Variants in KCNIP4 observed in about 807,000 individuals in gnomAD.
The protein encoded by KCNIP4 is Kv channel-interacting protein 4.
KCNIP4 carries 12 observed loss-of-function variants against 34.0 expected under a neutral mutation model. The observed-to-expected ratio is 0.35, with a 90% CI of 0.23 to 0.57. KCNIP4 has a LOEUF of 0.57. Among genes scored for constraint, KCNIP4 ranks in the 20% least tolerant of loss-of-function variants. The pLI is 0.83. For synonymous variants in KCNIP4, 124 were observed against 102.2 expected (o/e 1.21, Z -1.29); for missense variants, 238 against 311.7 (o/e 0.76, Z 1.78).
At chr4:21,066,629 C>T (rs926533833) in intron 1 of KCNIP4, among the ~76,000 whole-genome samples, 3 of 152,104 alleles carry the variant, frequency 2.0e-5, no homozygotes, top group Non-Finnish European at 4.4e-5. Flanking sequence ...GAACTCAGTG[C>T]TGTCCTGTCA....
At chr4:20,981,083 G>T (rs1438474778) in intron 1 of KCNIP4, among the ~76,000 whole-genome samples, 13 of 152,132 alleles carry the variant, frequency 8.5e-5, no homozygotes, top group Admixed American at 8.5e-4. Context: ...TAAACAGGCA[G>T]CAGGCCTAGG....
At chr4:21,120,114 C>A (rs1320934619) in intron 1 of KCNIP4, among the ~76,000 whole-genome samples, 1 of 152,100 alleles carries the variant, frequency 6.6e-6, no homozygotes, top group East Asian at 1.9e-4. Flanking sequence ...GTACTTGGCC[C>A]ATGTTTCTAG....
intron 1 of KCNIP4, among the ~76,000 whole-genome samples, chr4:21,028,772 C>T (rs968908891): frequency 6.6e-6 from 1 of 152,160 alleles, no homozygotes; most frequent in Non-Finnish European, 1.5e-5. Context: ...GCAAAAAGTG[C>T]AGGCATAGAA....
At chr4:21,089,351 C>T (rs1013578747) in intron 1 of KCNIP4, among the ~76,000 whole-genome samples, 1 of 152,210 alleles carries the variant, frequency 6.6e-6, no homozygotes, top group Non-Finnish European at 1.5e-5. Context: ...GCACCTTCCA[C>T]CACGATTGTA....
intron 1 of KCNIP4, among the ~76,000 whole-genome samples, chr4:21,343,763 C>T (rs887722293): frequency 2.0e-5 from 3 of 152,072 alleles, no homozygotes; most frequent in African/African-American, 7.2e-5. Flanking sequence ...TAGATTCCGA[C>T]GCAGGCTCTT....
chr4:21,907,147 G>A (rs950226584), intron 1 of KCNIP4, among the ~76,000 whole-genome samples: 8 of 152,120 alleles, frequency 5.3e-5, no homozygotes, highest in Non-Finnish European at 1.2e-4. Flanking sequence ...TTGGCTGGTG[G>A]GTTGTTGAGA....
intron 1 of KCNIP4, among the ~76,000 whole-genome samples, chr4:21,775,143 T>C (rs535695253): frequency 1.8e-4 from 28 of 152,272 alleles, no homozygotes; most frequent in African/African-American, 6.7e-4. Context: ...TGGAGGCCTT[T>C]TTTTGGTTGG....
intron 1 of KCNIP4, among the ~76,000 whole-genome samples, chr4:21,868,638 G>T (rs1464943609): frequency 6.6e-6 from 1 of 152,000 alleles, no homozygotes; most frequent in Non-Finnish European, 1.5e-5. Flanking sequence ...TATTGTTACT[G>T]AATCTAATTC....
intron 1 of KCNIP4, among the ~76,000 whole-genome samples, chr4:20,925,328 A>G (rs771829120): frequency 1.4e-4 from 21 of 152,154 alleles, no homozygotes; most frequent in Non-Finnish European, 1.3e-4. Context: ...TGAAGTCACT[A>G]GATAAGACAG....
intron 1 of KCNIP4, among the ~76,000 whole-genome samples, chr4:21,871,767 T>G (rs1378472536): frequency 1.1e-5 from 1 of 88,516 alleles, no homozygotes. Context: ...GATCCCCACC[T>G]CCCCCCACCC....
intron 1 of KCNIP4, among the ~76,000 whole-genome samples, chr4:21,187,706 A>T (rs1236205695): frequency 6.7e-6 from 1 of 149,484 alleles, no homozygotes. Flanking sequence ...CAGAATCCTC[A>T]TTTTTTTTTT....
intron 1 of KCNIP4, among the ~76,000 whole-genome samples, chr4:20,977,695 T>G (rs1735624680): frequency 6.6e-6 from 1 of 152,246 alleles, no homozygotes; most frequent in African/African-American, 2.4e-5. Flanking sequence ...AGTGCCAATC[T>G]GATTACAAAA....
intron 1 of KCNIP4, among the ~76,000 whole-genome samples, chr4:21,210,164 T>C (rs1176583392): frequency 6.6e-6 from 1 of 152,220 alleles, no homozygotes; most frequent in African/African-American, 2.4e-5. Context: ...AGGAAAGTTA[T>C]CTTCACTCAA....
At chr4:21,138,836 T>C (rs527431816) in intron 1 of KCNIP4, among the ~76,000 whole-genome samples, 1 of 151,392 alleles carries the variant, frequency 6.6e-6, no homozygotes, top group East Asian at 2.0e-4. Flanking sequence ...TGGAAAGGAG[T>C]CATGAGGCAG....
At chr4:20,891,730 A>C (rs951253884) in intron 1 of KCNIP4, among the ~76,000 whole-genome samples, 10 of 152,204 alleles carry the variant, frequency 6.6e-5, no homozygotes, top group African/African-American at 2.4e-4. Context: ...AATAGGGAGT[A>C]CATTTTTTTA....
rs143108172 is a variant in KCNIP4, at chr4:21,597,589, T to A, written c.61+350982A>T. 1.1e-4 allele frequency among the ~76,000 whole-genome samples: 16 copies of A among 152,270 alleles called. No individual in the cohort carries two copies. In the East Asian group the frequency reaches 3.1e-3, roughly 30 times the overall value. On this transcript the variant is annotated intron_variant, in intron 1 of 8. Coordinates refer to ENST00000382152, the MANE Select transcript of KCNIP4 (RefSeq NM_025221.6). ...GCCATCAAAGCCACTTTCCTTCAGT[T>A]CATTGGCTTTCCCAAGGTATGAAAG...
chr4:21,293,644 T>G (rs1411502700), intron 1 of KCNIP4, among the ~76,000 whole-genome samples: 4 of 152,216 alleles, frequency 2.6e-5, no homozygotes, highest in Non-Finnish European at 5.9e-5. Flanking sequence ...GTGTTCCCAG[T>G]CATGAATTTT....
chr4:21,186,423 G>T (rs932717056), intron 1 of KCNIP4, among the ~76,000 whole-genome samples: 3 of 152,162 alleles, frequency 2.0e-5, no homozygotes, highest in Non-Finnish European at 4.4e-5. Context: ...GGGTAAGAAA[G>T]TCGAAGTAGG....
At position 21,519,635 on chromosome 4, in the gene KCNIP4, CAAAT is replaced by C. The variant is rs1270042161; in HGVS notation, c.61+428932_61+428935del. On this transcript the variant is annotated intron_variant, in intron 1 of 8. Coordinates refer to ENST00000382152, the MANE Select transcript of KCNIP4 (RefSeq NM_025221.6). ...GTGTGTGTATGTATGTGTATATACA[CAAAT>C]GTGTGTGTATGTATGTGTATATATA... is the stretch of plus-strand genomic sequence containing the variant. Among the ~76,000 whole-genome samples the C allele has an allele frequency of 9.7e-4, 108 of 111,456 alleles. 8 individuals are homozygous for C. Among genetic ancestry groups the C allele is most frequent in the Middle Eastern group, 5.5e-3 (1 of 182 alleles). The allele number at this position is 111,456 out of a possible 152,430, so 73.1% of individuals were successfully genotyped here. A position where few individuals can be genotyped will look rare whatever the true frequency, so the allele number is the denominator to read the frequency against.
Sources: gnomAD v4.1 joint callset for allele counts (sites outside exome capture counted in the v4.1 genomes callset) on GRCh38, gnomAD v4.1.1 for gene constraint, MANE v1.5 for transcripts, NCBI Gene and HGNC (gene_info 2026-07-23, HGNC 2026-07-21) for gene names.